Variants in PIK3C2G observed in about 807,000 individuals in gnomAD.
The protein encoded by PIK3C2G is phosphatidylinositol-4-phosphate 3-kinase catalytic subunit type 2 gamma, also known as phosphatidylinositol 3-kinase C2 domain-containing subunit gamma.
A neutral mutation model predicts 181.1 loss-of-function variants in PIK3C2G; 168 were observed. That is an observed-to-expected ratio of 0.93 (90% CI 0.82 to 1.05). The LOEUF is 1.05. Among genes scored for constraint, PIK3C2G ranks in the 50% least tolerant of loss-of-function variants. PIK3C2G has a pLI of 0.00. For synonymous variants in PIK3C2G, 573 were observed against 592.2 expected (o/e 0.97, Z 0.47); for missense variants, 1,869 against 1,732.8 (o/e 1.08, Z -1.40).
intron 18 of PIK3C2G, among the ~76,000 whole-genome samples, chr12:18,467,698 G>A (rs936698588): frequency 6.6e-6 from 1 of 151,884 alleles, no homozygotes; most frequent in Non-Finnish European, 1.5e-5. Context: ...GAAGAGAGCA[G>A]AAAAGCCATC....
chr12:18,701,628 TCCTCCTCCTC>T, the PIK3C2G span: 1 of 1,575,930 alleles, frequency 6.3e-7, no homozygotes, highest in Admixed American at 1.8e-5. Context: ...CTCCTCCTCC[TCCTCCTCCTC>T]CTCCTCCTCC....
chr12:18,628,406 A>G (rs1452714803), intron 31 of PIK3C2G, among the ~76,000 whole-genome samples: 1 of 152,142 alleles, frequency 6.6e-6, no homozygotes, highest in Non-Finnish European at 1.5e-5. Context: ...CTGTTTTGAT[A>G]TATTACCCAT....
intron 26 of PIK3C2G, among the ~76,000 whole-genome samples, chr12:18,560,725 A>G (rs1200518371): frequency 6.6e-6 from 1 of 152,136 alleles, no homozygotes; most frequent in East Asian, 1.9e-4. Context: ...TAGTATTTTA[A>G]CAAATACTAA....
At chr12:18,581,610 T>C (rs957844370) in intron 29 of PIK3C2G, among the ~76,000 whole-genome samples, 2 of 152,248 alleles carry the variant, frequency 1.3e-5, no homozygotes, top group Non-Finnish European at 2.9e-5. Flanking sequence ...TGGCAAAAAC[T>C]TGGGAATGGA....
At chr12:18,650,347 ATGTGTGTGTGTG>A (rs71064013), downstream of PIK3C2G, among the ~76,000 whole-genome samples, 387 of 114,558 alleles carry the variant, frequency 3.4e-3, 1 homozygote, top group Middle Eastern at 0.023. Flanking sequence ...ATATATATAT[ATGTGTGTGTGTG>A]TGTGTGTGTG....
intron 6 of PIK3C2G, among the ~76,000 whole-genome samples, chr12:18,315,022 G>C (rs927814691): frequency 4.6e-5 from 7 of 152,196 alleles, no homozygotes; most frequent in Admixed American, 2.6e-4. Flanking sequence ...ACAGTATGCA[G>C]TGAACTTTGG....
upstream of PIK3C2G, among the ~76,000 whole-genome samples, chr12:18,257,116 A>G (rs1234531553): frequency 6.6e-6 from 1 of 152,150 alleles, no homozygotes; most frequent in Admixed American, 6.6e-5. Context: ...AGCCTTAAGT[A>G]CCAAATATGT....
intron 14 of PIK3C2G, among the ~76,000 whole-genome samples, chr12:18,390,508 G>A (rs912785234): frequency 6.6e-6 from 1 of 151,970 alleles, no homozygotes; most frequent in Non-Finnish European, 1.5e-5. Context: ...AAAGTAGACT[G>A]AGCCAGAAAA....
chr12:18,660,432 G>C, the PIK3C2G span, among the ~76,000 whole-genome samples: 1 of 152,092 alleles, frequency 6.6e-6, no homozygotes, highest in Non-Finnish European at 1.5e-5. Flanking sequence ...TGAGATCCAG[G>C]GGGGTTTAAA....
chr12:18,689,384 C>G, the PIK3C2G span, among the ~76,000 whole-genome samples: 3 of 152,292 alleles, frequency 2.0e-5, no homozygotes, highest in South Asian at 6.2e-4. Flanking sequence ...CCCATGGTGG[C>G]TTTGAATGCG....
At chr12:18,685,137 C>A in the PIK3C2G span, among the ~76,000 whole-genome samples, 1 of 152,026 alleles carries the variant, frequency 6.6e-6, no homozygotes. Context: ...GAGTTCCATA[C>A]TTAGTTGTTA....
chr12:18,459,482 GA>G (rs1478257260), intron 18 of PIK3C2G, among the ~76,000 whole-genome samples: 4 of 152,174 alleles, frequency 2.6e-5, no homozygotes, highest in Non-Finnish European at 5.9e-5. Flanking sequence ...GGGAAAGGGT[GA>G]AAGATTCTTT....
chr12:18,579,859 G>T (rs1258738884), intron 29 of PIK3C2G, among the ~76,000 whole-genome samples: 1 of 152,148 alleles, frequency 6.6e-6, no homozygotes, highest in Non-Finnish European at 1.5e-5. Context: ...AAACTGCTGG[G>T]CGTGGTGGCT....
At chr12:18,595,469 C>G (rs920843683) in intron 30 of PIK3C2G, among the ~76,000 whole-genome samples, 2 of 152,096 alleles carry the variant, frequency 1.3e-5, no homozygotes, top group Non-Finnish European at 2.9e-5. Context: ...ACCTGTGTAT[C>G]TAGGCACCTG....
the PIK3C2G span, chr12:18,692,741 A>T: frequency 1.0e-6 from 1 of 993,154 alleles, no homozygotes; most frequent in East Asian, 2.4e-5. Context: ...AAATGTTAAA[A>T]GCTCTCCCAG....
chr12:18,416,440 A>T (rs2135672642), intron 16 of PIK3C2G, among the ~76,000 whole-genome samples: 2 of 152,286 alleles, frequency 1.3e-5, no homozygotes, highest in South Asian at 4.1e-4. Flanking sequence ...TTCTATTGGA[A>T]AAAGATGCTA....
the PIK3C2G span, among the ~76,000 whole-genome samples, chr12:18,678,725 T>C: frequency 6.6e-6 from 1 of 152,068 alleles, no homozygotes; most frequent in African/African-American, 2.4e-5. Flanking sequence ...TATAACATCA[T>C]TTGTTGTCTA....
chr12:18,724,458 A>G, the PIK3C2G span, among the ~76,000 whole-genome samples: 2 of 152,152 alleles, frequency 1.3e-5, no homozygotes, highest in African/African-American at 4.8e-5. Flanking sequence ...AATTTTTTAA[A>G]AAATGCTTTT....
intron 18 of PIK3C2G, among the ~76,000 whole-genome samples, chr12:18,457,841 AT>A (rs1466916776): frequency 2.6e-5 from 4 of 152,178 alleles, no homozygotes; most frequent in Non-Finnish European, 4.4e-5. Flanking sequence ...GGGGGTAATC[AT>A]TTATAATAAC....
Sources: allele counts gnomAD v4.1 joint callset (sites outside exome capture counted in the v4.1 genomes callset), GRCh38; gene constraint gnomAD v4.1.1; transcripts MANE v1.5; gene names NCBI Gene and HGNC (gene_info 2026-07-23, HGNC 2026-07-21).